The following KCNH1 variants were observed in gnomAD, a reference collection of about 807,000 sequenced individuals.
The protein encoded by KCNH1 is voltage-gated delayed rectifier potassium channel KCNH1.
A neutral mutation model predicts 69.2 loss-of-function variants in KCNH1; 27 were observed. The ratio of observed to expected loss-of-function variants is 0.39; its 90% CI spans 0.29 to 0.54. The LOEUF (loss-of-function observed/expected upper bound fraction) is 0.54, where lower values mean the gene tolerates loss of function less well. KCNH1 is among the 20% of genes least tolerant of loss of function. The pLI, the probability that KCNH1 is intolerant of heterozygous loss-of-function variation, is 0.68. For synonymous variants in KCNH1, 456 were observed against 487.7 expected (o/e 0.93, Z 0.86); for missense variants, 798 against 1,261.6 (o/e 0.63, Z 5.57).
rs551005857 is a variant in KCNH1, at chr1:211,108,230, C to A, written c.80-853G>T. On this transcript the variant is annotated intron_variant, in intron 1 of 10. Coordinates refer to ENST00000271751, the MANE Select transcript of KCNH1 (RefSeq NM_172362.3). ...CAACTGTCCTTCCTTTCTTTTCAAG[C>A]ATTTCAATTAAGCAAATAACATCCA... is the stretch of plus-strand genomic sequence containing the variant. 3.3e-5 allele frequency among the ~76,000 whole-genome samples: 5 copies of A among 152,286 alleles called. No homozygotes were observed. In the South Asian group the frequency reaches 1.0e-3, roughly 32 times the overall value.
chr1:210,793,810 A>G (rs1277311609), intron 9 of KCNH1, among the ~76,000 whole-genome samples: 1 of 152,250 alleles, frequency 6.6e-6, no homozygotes, highest in Non-Finnish European at 1.5e-5. Flanking sequence ...ATGGATATAC[A>G]GTAGCTGCTC....
At chr1:210,685,380 TG>T (rs1348914907) in intron 10 of KCNH1, among the ~76,000 whole-genome samples, 1 of 152,148 alleles carries the variant, frequency 6.6e-6, no homozygotes, top group East Asian at 1.9e-4. Flanking sequence ...TCATCCAATC[TG>T]GAAAACTCTG....
rs562990459 is a variant in KCNH1 at position 210,846,304 on chromosome 1, G to A, written c.1463-42138C>T. ...CTAAGCCAAAAGAACAAACCTGGAG[G>A]CATCACGCTGCCTGACTTCAAACTA... On this transcript the variant is annotated intron_variant, in intron 7 of 10. Coordinates refer to ENST00000271751, the MANE Select transcript of KCNH1 (RefSeq NM_172362.3). Among the ~76,000 whole-genome samples the A allele has an allele frequency of 4.6e-5, 7 of 152,252 alleles. No individual in the cohort carries two copies. The South Asian group carries it at 8.3e-4, about 18-fold the overall frequency.
intron 7 of KCNH1, chr1:210,859,666 C>CT: frequency 7.7e-7 from 1 of 1,295,674 alleles, no homozygotes; most frequent in South Asian, 1.2e-5. Context: ...GGCATATGCT[C>CT]TTTTTAATCC....
chr1:210,905,962 G>A (rs570828907), intron 7 of KCNH1, among the ~76,000 whole-genome samples: 80 of 152,236 alleles, frequency 5.3e-4, no homozygotes, highest in Non-Finnish European at 9.8e-4. Flanking sequence ...TTAGTCCAGC[G>A]TAAAGCCCTT....
chr1:210,789,195 G>C (rs1177934532), intron 9 of KCNH1, among the ~76,000 whole-genome samples: 1 of 152,184 alleles, frequency 6.6e-6, no homozygotes, highest in Non-Finnish European at 1.5e-5. Context: ...CTGGAGCAAT[G>C]AGGAGCAATG....
chr1:210,720,211 A>G (rs538304311), intron 10 of KCNH1, among the ~76,000 whole-genome samples: 16 of 152,338 alleles, frequency 1.1e-4, no homozygotes, highest in Non-Finnish European at 8.8e-5. Flanking sequence ...AATCAAATTA[A>G]TATGATCATC....
At chr1:210,758,277 C>A (rs1333382321) in intron 10 of KCNH1, among the ~76,000 whole-genome samples, 2 of 152,156 alleles carry the variant, frequency 1.3e-5, no homozygotes, top group African/African-American at 2.4e-5. Context: ...AGGACAAAGG[C>A]CCCCAAAGGC....
intron 7 of KCNH1, chr1:210,861,817 G>T: frequency 1.3e-6 from 1 of 761,168 alleles, no homozygotes; most frequent in Non-Finnish European, 2.4e-6. Flanking sequence ...ATACTCATAA[G>T]TTTTCACAAG....
intron 6 of KCNH1, among the ~76,000 whole-genome samples, chr1:211,001,768 T>G (rs1404201009): frequency 1.3e-5 from 2 of 152,184 alleles, no homozygotes; most frequent in Admixed American, 1.3e-4. Flanking sequence ...CCAACCCAAA[T>G]GTCCATCAAT....
At chr1:210,705,307 A>C (rs1295567811) in intron 10 of KCNH1, among the ~76,000 whole-genome samples, 1 of 152,216 alleles carries the variant, frequency 6.6e-6, no homozygotes, top group Non-Finnish European at 1.5e-5. Flanking sequence ...TTGCTGACAA[A>C]GCTGGCAGAG....
intron 6 of KCNH1, among the ~76,000 whole-genome samples, chr1:211,018,545 A>G (rs1689534281): frequency 6.6e-6 from 1 of 152,204 alleles, no homozygotes. Context: ...AGTGGCTTAC[A>G]TTCCACGTGG....
chr1:211,046,640 C>A (rs1690099234), intron 5 of KCNH1, among the ~76,000 whole-genome samples: 1 of 152,164 alleles, frequency 6.6e-6, no homozygotes, highest in South Asian at 2.1e-4. Flanking sequence ...AGTGTTAAAA[C>A]CTTTGCCAAG....
At chr1:210,818,576 T>G (rs551749124) in intron 7 of KCNH1, among the ~76,000 whole-genome samples, 1 of 152,286 alleles carries the variant, frequency 6.6e-6, no homozygotes, top group Non-Finnish European at 1.5e-5. Flanking sequence ...AAGATTTTGG[T>G]GAGGATTAAA....
At chr1:210,734,921 C>G (rs904873066) in intron 10 of KCNH1, among the ~76,000 whole-genome samples, 1 of 152,104 alleles carries the variant, frequency 6.6e-6, no homozygotes, top group African/African-American at 2.4e-5. Context: ...AAGAAAGTGA[C>G]CAAATTTTCT....
At chr1:210,881,015 ATAT>A (rs985515996) in intron 7 of KCNH1, among the ~76,000 whole-genome samples, 10 of 127,942 alleles carry the variant, frequency 7.8e-5, no homozygotes, top group African/African-American at 1.9e-4. Flanking sequence ...TAAAACAGTA[ATAT>A]TTTTTTTTTT....
chr1:211,061,824 C>CA (rs1690437958), intron 5 of KCNH1, among the ~76,000 whole-genome samples: 1 of 151,824 alleles, frequency 6.6e-6, no homozygotes, highest in African/African-American at 2.4e-5. Flanking sequence ...AGGACACACA[C>CA]AAAAAAGGAA....
chr1:210,725,014 T>G (rs772244199), intron 10 of KCNH1, among the ~76,000 whole-genome samples: 3 of 152,196 alleles, frequency 2.0e-5, no homozygotes, highest in African/African-American at 4.8e-5. Flanking sequence ...GGAGCCACCA[T>G]GGACACTTTA....
chr1:211,021,870 G>A (rs1294663475), intron 5 of KCNH1, among the ~76,000 whole-genome samples: 1 of 151,992 alleles, frequency 6.6e-6, no homozygotes, highest in African/African-American at 2.4e-5. Context: ...TGGATTAGGA[G>A]AATTAATATT....
Sources: allele counts gnomAD v4.1 joint callset (sites outside exome capture counted in the v4.1 genomes callset), GRCh38; gene constraint gnomAD v4.1.1; transcripts MANE v1.5; gene names NCBI Gene and HGNC (gene_info 2026-07-23, HGNC 2026-07-21).